The following MBOAT2 variants were observed in gnomAD, a reference collection of about 807,000 sequenced individuals.
MBOAT2 encodes the protein membrane bound glycerophospholipid O-acyltransferase 2, also known as membrane-bound glycerophospholipid O-acyltransferase 2.
A neutral mutation model predicts 63.4 loss-of-function variants in MBOAT2; 28 were observed. The ratio of observed to expected loss-of-function variants is 0.44; its 90% CI spans 0.33 to 0.61. The LOEUF (loss-of-function observed/expected upper bound fraction) is 0.61. Ranked by LOEUF, MBOAT2 falls within the 20% of genes least tolerant of loss-of-function variation. The pLI is 0.03. For synonymous variants in MBOAT2, 211 were observed against 215.6 expected (o/e 0.98, Z 0.19); for missense variants, 470 against 605.8 (o/e 0.78, Z 2.35).
At chr2:8,926,790 T>C (rs1471279181) in intron 3 of MBOAT2, among the ~76,000 whole-genome samples, 2 of 151,952 alleles carry the variant, frequency 1.3e-5, no homozygotes, top group African/African-American at 4.8e-5. Flanking sequence ...GGCAGAGTAA[T>C]GTGAGATGCA....
intron 3 of MBOAT2, among the ~76,000 whole-genome samples, chr2:8,939,047 G>A (rs1055832833): frequency 2.0e-5 from 3 of 152,142 alleles, no homozygotes; most frequent in Admixed American, 2.0e-4. Context: ...GAGAAGCTGA[G>A]GACAGTGCCT....
At chr2:8,893,705 T>C (rs1245453985) in intron 4 of MBOAT2, among the ~76,000 whole-genome samples, 1 of 152,196 alleles carries the variant, frequency 6.6e-6, no homozygotes, top group Non-Finnish European at 1.5e-5. Flanking sequence ...TAACAAAGTA[T>C]CCACTGCCCA....
At chr2:8,933,625 G>A (rs1038212402) in intron 3 of MBOAT2, among the ~76,000 whole-genome samples, 7 of 152,150 alleles carry the variant, frequency 4.6e-5, no homozygotes, top group East Asian at 1.9e-4. Context: ...TTACAGGCAT[G>A]AGCCACCACG....
chr2:8,859,482 CTG>C (rs1661341683), intron 12 of MBOAT2, among the ~76,000 whole-genome samples: 1 of 152,192 alleles, frequency 6.6e-6, no homozygotes. Flanking sequence ...GTATCTATAA[CTG>C]TAAGTTCAAG....
chr2:8,998,301 T>C (rs1179603286), intron 1 of MBOAT2, among the ~76,000 whole-genome samples: 1 of 152,232 alleles, frequency 6.6e-6, no homozygotes, highest in African/African-American at 2.4e-5. Flanking sequence ...TAATGCTCAT[T>C]ATGAGTGTAA....
At chr2:8,936,484 C>G (rs1458224791) in intron 3 of MBOAT2, among the ~76,000 whole-genome samples, 2 of 152,190 alleles carry the variant, frequency 1.3e-5, no homozygotes, top group East Asian at 3.8e-4. Flanking sequence ...ACATCTTTTA[C>G]ATTTTTCTTT....
chr2:8,963,549 C>T (rs1007026189), intron 1 of MBOAT2, among the ~76,000 whole-genome samples: 16 of 152,114 alleles, frequency 1.1e-4, no homozygotes, highest in Admixed American at 8.5e-4. Flanking sequence ...GTGATCCACC[C>T]GCCTTGGCCT....
At chr2:8,911,025 A>G (rs1264167254) in intron 3 of MBOAT2, among the ~76,000 whole-genome samples, 1 of 152,194 alleles carries the variant, frequency 6.6e-6, no homozygotes, top group Non-Finnish European at 1.5e-5. Flanking sequence ...AAATCAAGGA[A>G]CTGATCACAC....
intron 1 of MBOAT2, among the ~76,000 whole-genome samples, chr2:8,965,959 C>CA (rs1669949592): frequency 6.6e-6 from 1 of 152,172 alleles, no homozygotes; most frequent in African/African-American, 2.4e-5. Context: ...AAAACAGCCC[C>CA]AAAAAATCAA....
chr2:8,876,122 G>T (rs541422381), intron 7 of MBOAT2, among the ~76,000 whole-genome samples: 9 of 152,208 alleles, frequency 5.9e-5, no homozygotes, highest in African/African-American at 9.7e-5. Context: ...GATTTTACCA[G>T]ATGAAATCTA....
chr2:9,000,310 C>T (rs1172644717), intron 1 of MBOAT2, among the ~76,000 whole-genome samples: 1 of 152,160 alleles, frequency 6.6e-6, no homozygotes, highest in Non-Finnish European at 1.5e-5. Flanking sequence ...AGATTTCTCT[C>T]AACTTGGAAT....
At chr2:8,875,535 T>C (rs1662643393) in intron 7 of MBOAT2, among the ~76,000 whole-genome samples, 1 of 152,242 alleles carries the variant, frequency 6.6e-6, no homozygotes, top group South Asian at 2.1e-4. Flanking sequence ...GTCTGTAAAA[T>C]GGGGAAGACA....
At chr2:8,871,648 G>T (rs1662334076) in intron 8 of MBOAT2, among the ~76,000 whole-genome samples, 1 of 152,044 alleles carries the variant, frequency 6.6e-6, no homozygotes, top group South Asian at 2.1e-4. Flanking sequence ...AAATCCATAA[G>T]GTAACATATT....
intron 3 of MBOAT2, among the ~76,000 whole-genome samples, chr2:8,935,798 T>G (rs1001026177): frequency 1.3e-5 from 2 of 152,220 alleles, no homozygotes; most frequent in Non-Finnish European, 2.9e-5. Flanking sequence ...CAAACCCATA[T>G]ATATCTGACT....
intron 4 of MBOAT2, among the ~76,000 whole-genome samples, chr2:8,902,751 G>A (rs759731907): frequency 1.3e-5 from 2 of 152,184 alleles, no homozygotes; most frequent in Non-Finnish European, 2.9e-5. Context: ...AGACCTTCAC[G>A]GTGAGTGTTA....
Position 8,862,652 on chromosome 2 carries a change from C to T in MBOAT2, c.1123G>A (p.Val375Ile). 6.2e-7 allele frequency: 1 copy of T among 1,614,120 alleles called. No homozygotes were observed. Among genetic ancestry groups the T allele is most frequent in the Non-Finnish European group, 8.5e-7 (1 of 1,179,998 alleles). Residue 375 changes from valine (V) to isoleucine (I), a missense_variant, in exon 11 of 13, where the codon GTA becomes ATA. Around this residue, in one of 3 missense-constraint regions of MBOAT2, gnomAD observed 376 missense variants for 503.8 expected, o/e 0.75. Coordinates refer to ENST00000305997, the MANE Select transcript of MBOAT2 (RefSeq NM_138799.4). The surrounding 1 kb of genome is among the most constrained non-coding windows in gnomAD (Gnocchi z 4.3). ...AACGTTAGATAATATCCTGGGTATA[C>T]CCCGTGCCAAATGGCAGAGAGAATG... is the stretch of plus-strand genomic sequence containing the variant. ...TFILSAIWHG[V>I]YPGYYLTFLT...
At chr2:8,885,200 C>T (rs569376943) in intron 5 of MBOAT2, among the ~76,000 whole-genome samples, 34 of 152,238 alleles carry the variant, frequency 2.2e-4, no homozygotes, top group African/African-American at 3.6e-4. Context: ...CATGTAAATT[C>T]GGAGTCAGGA....
chr2:8,878,063 G>A (rs950644033), intron 6 of MBOAT2, among the ~76,000 whole-genome samples: 7 of 152,174 alleles, frequency 4.6e-5, no homozygotes, highest in Admixed American at 6.5e-5. Context: ...GGGCTCCTGC[G>A]GTCTCCAGGC....
At chr2:8,875,906 G>A (rs890097407) in intron 7 of MBOAT2, among the ~76,000 whole-genome samples, 1 of 152,252 alleles carries the variant, frequency 6.6e-6, no homozygotes, top group Non-Finnish European at 1.5e-5. Flanking sequence ...GACATGGTAG[G>A]AAAGAGGTAA....
Sources: gnomAD v4.1 joint callset for allele counts (sites outside exome capture counted in the v4.1 genomes callset) on GRCh38, gnomAD v4.1.1 for gene constraint, gnomAD v4.1.1 regional missense constraint, Gnocchi (gnomAD v3.1) non-coding constraint, MANE v1.5 for transcripts, NCBI Gene and HGNC (gene_info 2026-07-23, HGNC 2026-07-21) for gene names.